SLC25A26: variants seen among roughly 807,000 people sequenced by gnomAD.
The protein encoded by SLC25A26 is solute carrier family 25 member 26.
SLC25A26 carries 36 observed loss-of-function variants against 37.8 expected under a neutral mutation model. The ratio of observed to expected loss-of-function variants is 0.95; its 90% CI spans 0.73 to 1.26. The LOEUF (loss-of-function observed/expected upper bound fraction) is 1.26, where lower values mean the gene tolerates loss of function less well. SLC25A26 is among the 50% of genes most tolerant of loss of function. The pLI, the probability that SLC25A26 is intolerant of heterozygous loss-of-function variation, is 0.00. For synonymous variants in SLC25A26, 129 were observed against 122.5 expected (o/e 1.05, Z -0.35); for missense variants, 390 against 331.1 (o/e 1.18, Z -1.38).
rs916686078 is a variant in SLC25A26 at position 66,214,957 on chromosome 3, A to G, written c.-353-5785A>G. On this transcript the variant is annotated intron_variant, in intron 1 of 10. Coordinates refer to the SLC25A26 transcript ENST00000676754. Reference sequence around the variant, plus strand: ...AGCCTGGCCAACGTGCTGAAATTCCATCTCTACTAAAAATACAAAAATTCG... The same window carrying G: ...AGCCTGGCCAACGTGCTGAAATTCCGTCTCTACTAAAAATACAAAAATTCG... Among the ~76,000 whole-genome samples the G allele has an allele frequency of 3.4e-4, 51 of 152,126 alleles. 1 individual carries two copies. In the East Asian group the frequency reaches 9.3e-3, roughly 28 times the overall value.
chr3:66,368,414 C>G (rs1361588748), intron 7 of SLC25A26, among the ~76,000 whole-genome samples: 1 of 152,184 alleles, frequency 6.6e-6, no homozygotes, highest in East Asian at 1.9e-4. Flanking sequence ...AAAGTCCAAT[C>G]TGTGTACAGT....
intron 5 of SLC25A26, among the ~76,000 whole-genome samples, chr3:66,306,529 G>C (rs539464804): frequency 6.6e-6 from 1 of 152,112 alleles, no homozygotes; most frequent in South Asian, 2.1e-4. Context: ...GGGGATACAT[G>C]TGCACAACGT....
chr3:66,246,159 T>A (rs1244628317), intron 3 of SLC25A26, among the ~76,000 whole-genome samples: 1 of 152,244 alleles, frequency 6.6e-6, no homozygotes, highest in Non-Finnish European at 1.5e-5. Context: ...GGTTTCTTTT[T>A]AAAATTAATT....
In SLC25A26 at chr3:66,150,002, T is replaced by C. The variant is rs537571659; in HGVS notation, c.-354+16018T>C. On this transcript the variant is annotated intron_variant, in intron 1 of 10. Coordinates refer to the SLC25A26 transcript ENST00000676754. ...GTGCTGCTTGGCCAACCTATGTTTATTCTGTGACCAAACGTGGGGCTTTTC... is the reference window on the plus strand; with the variant it reads ...GTGCTGCTTGGCCAACCTATGTTTACTCTGTGACCAAACGTGGGGCTTTTC... 2.0e-5 allele frequency among the ~76,000 whole-genome samples: 3 copies of C among 152,274 alleles called. No homozygotes were observed. In the South Asian group the frequency reaches 6.2e-4, roughly 32 times the overall value.
At chr3:66,330,627 T>C (rs920378897) in intron 5 of SLC25A26, among the ~76,000 whole-genome samples, 13 of 138,658 alleles carry the variant, frequency 9.4e-5, no homozygotes, top group African/African-American at 3.6e-4. Context: ...CTTAAGTAAA[T>C]AGACAAATGG....
At chr3:66,191,909 A>G (rs1453995892) in intron 1 of SLC25A26, among the ~76,000 whole-genome samples, 3 of 151,548 alleles carry the variant, frequency 2.0e-5, no homozygotes, top group Non-Finnish European at 1.5e-5. Context: ...TCTGTCTCAA[A>G]TAATAAAAAA....
chr3:66,146,676 C>A (rs540609090), intron 1 of SLC25A26, among the ~76,000 whole-genome samples: 1 of 152,196 alleles, frequency 6.6e-6, no homozygotes, highest in Non-Finnish European at 1.5e-5. Flanking sequence ...ACAGATGGCA[C>A]ATTCAGGATT....
intron 1 of SLC25A26, among the ~76,000 whole-genome samples, chr3:66,214,569 A>G (rs1231409498): frequency 6.6e-6 from 1 of 152,194 alleles, no homozygotes; most frequent in African/African-American, 2.4e-5. Flanking sequence ...CGATGTTACT[A>G]ATGAATTGAA....
At chr3:66,319,206 C>T (rs1428190707) in intron 5 of SLC25A26, among the ~76,000 whole-genome samples, 1 of 152,012 alleles carries the variant, frequency 6.6e-6, no homozygotes, top group African/African-American at 2.4e-5. Flanking sequence ...TGGCATAGCT[C>T]ATTACACATT....
intron 1 of SLC25A26, among the ~76,000 whole-genome samples, chr3:66,198,572 C>T (rs1054450309): frequency 6.6e-6 from 1 of 151,680 alleles, no homozygotes; most frequent in African/African-American, 2.4e-5. Flanking sequence ...AGGCTGATCC[C>T]ACCCACACCC....
chr3:66,264,640 T>C (rs1053148726), intron 5 of SLC25A26, among the ~76,000 whole-genome samples: 9 of 152,212 alleles, frequency 5.9e-5, no homozygotes, highest in African/African-American at 2.2e-4. Context: ...GTGGAACATC[T>C]TAGGTGGAAC....
intron 1 of SLC25A26, among the ~76,000 whole-genome samples, chr3:66,189,885 G>A (rs2070903983): frequency 6.6e-6 from 1 of 151,980 alleles, no homozygotes; most frequent in Non-Finnish European, 1.5e-5. Context: ...GGCTGGTCTG[G>A]AACTCCTCAG....
chr3:66,348,161 TA>T (rs1486109758), intron 6 of SLC25A26, among the ~76,000 whole-genome samples: 1 of 152,206 alleles, frequency 6.6e-6, no homozygotes. Flanking sequence ...AAAGACATTT[TA>T]AAAAGCCTAC....
At chr3:66,285,042 A>C (rs757435922) in intron 5 of SLC25A26, among the ~76,000 whole-genome samples, 4 of 152,178 alleles carry the variant, frequency 2.6e-5, no homozygotes, top group Non-Finnish European at 5.9e-5. Context: ...AAGAAGGATG[A>C]ACTTTTGCTG....
intron 1 of SLC25A26, among the ~76,000 whole-genome samples, chr3:66,230,190 G>GAGTA (rs1553662536): frequency 6.6e-6 from 1 of 152,208 alleles, no homozygotes; most frequent in Non-Finnish European, 1.5e-5. Flanking sequence ...GAAGGCAGGT[G>GAGTA]ACTGATCTGG....
chr3:66,156,369 T>C (rs146062875), intron 1 of SLC25A26, among the ~76,000 whole-genome samples: 15,145 of 152,082 alleles, frequency 0.1, 882 homozygotes, highest in Middle Eastern at 0.19. Context: ...AACAAACAAG[T>C]ATATGAGCAA....
At chr3:66,204,425 CAAAAAAA>C (rs1253739560) in intron 1 of SLC25A26, among the ~76,000 whole-genome samples, 6 of 66,970 alleles carry the variant, frequency 9.0e-5, no homozygotes, top group Non-Finnish European at 1.6e-4. Flanking sequence ...TACTCCGTCT[CAAAAAAA>C]AAAAAAAGAA....
rs573573199 is a variant in SLC25A26, at chr3:66,319,427, C to T, written c.454-26937C>T. 2.1e-4 allele frequency among the ~76,000 whole-genome samples: 32 copies of T among 152,156 alleles called. 1 individual carries two copies. The East Asian group carries it at 2.5e-3, about 12-fold the overall frequency. ...TCTGTTTTATCCCATTAAAAAACTT[C>T]GCGCGCTTTTATTAGGAGGTTTATT... On this transcript the variant is annotated intron_variant, in intron 5 of 9. Coordinates refer to ENST00000354883, the MANE Select transcript of SLC25A26 (RefSeq NM_001379210.1).
chr3:66,228,529 G>A (rs1473335489), intron 1 of SLC25A26, among the ~76,000 whole-genome samples: 1 of 152,144 alleles, frequency 6.6e-6, no homozygotes, highest in Non-Finnish European at 1.5e-5. Context: ...CCCAAATCAG[G>A]TGTCTTTTAC....
Sources: allele counts gnomAD v4.1 joint callset (sites outside exome capture counted in the v4.1 genomes callset), GRCh38; gene constraint gnomAD v4.1.1; transcripts MANE v1.5; gene names NCBI Gene and HGNC (gene_info 2026-07-23, HGNC 2026-07-21).